The following PHC3 variants were observed in gnomAD, a reference collection of about 807,000 sequenced individuals.
PHC3 encodes the protein polyhomeotic-like protein 3.
PHC3 carries 13 observed loss-of-function variants against 107.4 expected under a neutral mutation model. The ratio of observed to expected loss-of-function variants is 0.12; its 90% CI spans 0.08 to 0.19. The LOEUF (loss-of-function observed/expected upper bound fraction) is 0.19, where lower values mean the gene tolerates loss of function less well. Ranked by LOEUF, PHC3 falls within the 10% of genes least tolerant of loss-of-function variation. The pLI, the probability that PHC3 is intolerant of heterozygous loss-of-function variation, is 1.00. For synonymous variants in PHC3, 456 were observed against 427.4 expected (o/e 1.07, Z -0.83); for missense variants, 992 against 1,210.9 (o/e 0.82, Z 2.68).
chr3:170,168,514 C>A (rs1354858620), intron 4 of PHC3, among the ~76,000 whole-genome samples: 1 of 151,630 alleles, frequency 6.6e-6, no homozygotes, highest in African/African-American at 2.4e-5. Context: ...GCCTGTAATC[C>A]CAGCACTTTG....
intron 9 of PHC3, 122 bp downstream of exon 9, chr3:170,122,469 G>A: frequency 1.0e-6 from 1 of 971,956 alleles, no homozygotes; most frequent in Admixed American, 2.1e-5. Flanking sequence ...CAGCTGTAAT[G>A]GTGTGCACCT....
At chr3:170,113,557 CA>C in intron 10 of PHC3, 38 bp from the exon 11 acceptor site, 1 of 1,549,794 alleles carries the variant, frequency 6.5e-7, no homozygotes, top group South Asian at 1.2e-5. Flanking sequence ...AAACAATCTC[CA>C]AAAAGACATT....
rs115339592 is a variant in PHC3 at position 170,181,665 on chromosome 3, C to G, written c.14+37G>C. ...ACGTGTCGCTGCCCCAACTCGCCCC[C>G]CCTAGTTACGACATCAGTCACCATC... On this transcript the variant is annotated intron_variant, in intron 1 of 14. Coordinates refer to ENST00000495893, the MANE Select transcript of PHC3 (RefSeq NM_024947.4). 34 of 1,613,216 alleles carry G rather than the reference C, an allele frequency of 2.1e-5. No homozygotes were observed. In the East Asian group the frequency reaches 2.5e-4, roughly 12 times the overall value.
rs199917986 is a variant in PHC3, at chr3:170,129,518, T to A, written c.954A>T (p.Ile318=). The stretch of plus-strand genomic sequence containing the variant: ...AATGAAGAGGAATCTGCTGATGTTT[T>A]ATTAGAGAATGAGGCTGAATTGGAG... ...SYSPIQPHSL[I]KHQQIPLHSP... is the part of the protein sequence containing the mutation. The change falls in exon 8 of 15, where the codon ATA becomes ATT. Residue 318 remains isoleucine, a synonymous_variant. Coordinates refer to ENST00000495893, the MANE Select transcript of PHC3 (RefSeq NM_024947.4). 2.9e-5 allele frequency: 47 copies of A among 1,613,754 alleles called. No individual in the cohort carries two copies. The East Asian group carries it at 9.8e-4, about 34-fold the overall frequency.
intron 11 of PHC3, 79 bp from the exon 12 acceptor site, chr3:170,107,025 T>C: frequency 1.1e-6 from 1 of 950,290 alleles, no homozygotes; most frequent in Admixed American, 2.8e-5. Context: ...ATACTTTGGT[T>C]GGATACTGCT....
chr3:170,098,757 A>G (rs537751454), intron 14 of PHC3, among the ~76,000 whole-genome samples: 2 of 152,156 alleles, frequency 1.3e-5, no homozygotes, highest in South Asian at 2.1e-4. Context: ...TGTTTCCTAT[A>G]TAACAACTAG....
chr3:170,103,926 C>G (rs1208540755), intron 12 of PHC3, among the ~76,000 whole-genome samples: 1 of 152,096 alleles, frequency 6.6e-6, no homozygotes, highest in African/African-American at 2.4e-5. Context: ...AAAAACTAGC[C>G]AGGTGTGCTG....
intron 6 of PHC3, among the ~76,000 whole-genome samples, chr3:170,145,188 T>C (rs1379042817): frequency 6.6e-6 from 1 of 152,162 alleles, no homozygotes; most frequent in African/African-American, 2.4e-5. Flanking sequence ...AAAACTCTCA[T>C]TAACCTTGAC....
rs1459212026 is a variant in PHC3, at chr3:170,102,920, C to T, written c.2483G>A (p.Cys828Tyr). The T allele has an allele frequency of 6.2e-7, 1 of 1,612,408 alleles. No homozygotes were observed. The highest frequency in any genetic ancestry group is 1.3e-5 in the African/African-American group (1 of 75,016). Residue 828 changes from cysteine (C) to tyrosine (Y), a missense_variant, in exon 13 of 15, where the codon TGT becomes TAT. This residue lies in a region of PHC3 where 228 missense variants were observed against 288.8 expected (regional missense o/e 0.79). Coordinates refer to ENST00000495893, the MANE Select transcript of PHC3 (RefSeq NM_024947.4). ...MSCAKRYNVS[C>Y]SKKFALSRWN... ...ACGACTAAGTGCAAATTTTTTAGAA[C>T]AGCTAACATTGTACCTAAGAAATTC...
intron 12 of PHC3, among the ~76,000 whole-genome samples, chr3:170,105,699 G>A (rs9828102): frequency 6.6e-6 from 1 of 152,110 alleles, no homozygotes; most frequent in Non-Finnish European, 1.5e-5. Flanking sequence ...TACAGTACAA[G>A]CTATAGTCAT....
chr3:170,097,396 C>G lies in PHC3; in HGVS notation c.2834-12G>C, dbSNP rs762153201. On this transcript the variant is annotated splice_polypyrimidine_tract_variant and intron_variant, in intron 14 of 14. Coordinates refer to ENST00000495893, the MANE Select transcript of PHC3 (RefSeq NM_024947.4). This position sits in a 1 kb window ranked among gnomAD's most constrained non-coding sequence, Gnocchi z 4.1. ...GATATCCTGGCAGCCTGGAATTTGA[C>G]CAGAGGACAGAAGTTAGAATTAAAT... is the stretch of plus-strand genomic sequence containing the variant. 1 of 1,610,436 alleles carries G rather than the reference C, an allele frequency of 6.2e-7. No individual in the cohort carries two copies.
chr3:170,117,516 G>C (rs1719260301), intron 9 of PHC3, 40 bp from the exon 10 acceptor site: 1 of 1,570,274 alleles, frequency 6.4e-7, no homozygotes, highest in East Asian at 2.3e-5. Context: ...AATTTTTTTA[G>C]CATTTTGCCC....
intron 4 of PHC3, chr3:170,170,172 C>T (rs1340095988): frequency 6.6e-6 from 1 of 152,070 alleles, no homozygotes; most frequent in Non-Finnish European, 1.5e-5. Context: ...AGCACAATTC[C>T]TTAACCTTCA....
At chr3:170,101,625 G>A (rs1715495442) in intron 14 of PHC3, among the ~76,000 whole-genome samples, 1 of 152,088 alleles carries the variant, frequency 6.6e-6, no homozygotes, top group African/African-American at 2.4e-5. Flanking sequence ...TAAGGTCAAA[G>A]TGAATGACAA....
At chr3:170,103,434 T>A (rs773824018) in intron 12 of PHC3, among the ~76,000 whole-genome samples, 1 of 152,188 alleles carries the variant, frequency 6.6e-6, no homozygotes. Context: ...AATCAAAGAA[T>A]GAAAATGTAA....
At position 170,102,839 on chromosome 3, in the gene PHC3, C is replaced by A. The variant is rs747656277; in HGVS notation, c.2564G>T (p.Gly855Val). 1 of 1,613,918 alleles carries A rather than the reference C, an allele frequency of 6.2e-7. No homozygotes were observed. Among genetic ancestry groups the A allele is most frequent in the Non-Finnish European group, 8.5e-7 (1 of 1,179,856 alleles). The stretch of plus-strand genomic sequence containing the variant: ...ATGTTCTCTCGCTGCCCCATCAGGG[C>A]CACTTGGACGACGGCCACGATGCCC... ...SLGHRGRRPS[G>V]PDGAAREHIL... is the part of the protein sequence containing the mutation. The change falls in exon 13 of 15, where the codon GGC becomes GTC. Residue 855 changes from glycine to valine, a missense_variant. Transcript: ENST00000495893.
At chr3:170,149,003 T>C (rs777066155) in intron 5 of PHC3, 83 bp downstream of exon 5, 1 of 1,347,276 alleles carries the variant, frequency 7.4e-7, no homozygotes. Context: ...ATATTAAAAA[T>C]ACCTCTTATT....
chr3:170,107,180 T>C (rs935665416), intron 11 of PHC3, among the ~76,000 whole-genome samples: 1 of 151,886 alleles, frequency 6.6e-6, no homozygotes, highest in Non-Finnish European at 1.5e-5. Flanking sequence ...AAGCATAACA[T>C]TTTAAAAGGT....
Position 170,088,799 on chromosome 3 carries a change from GT to G in PHC3, c.*8430del, listed in dbSNP as rs1713762369. ...TGGCTACTTAGATGATAGTCTTCCT[GT>G]TTTCAATTAGTTTGAAAGATTCTAA... On this transcript the variant is annotated 3_prime_UTR_variant, in exon 15 of 15. Coordinates refer to ENST00000495893, the MANE Select transcript of PHC3 (RefSeq NM_024947.4). 6.6e-6 allele frequency: 1 copy of G among 152,204 alleles called. No individual in the cohort carries two copies. The highest frequency in any genetic ancestry group is 1.5e-5 in the Non-Finnish European group (1 of 68,022). The allele number at this position is 152,204 out of a possible 1,614,324, so 9.4% of individuals were successfully genotyped here. A position where few individuals can be genotyped will look rare whatever the true frequency, so the allele number is the denominator to read the frequency against.
Sources: gnomAD v4.1 joint callset for allele counts (sites outside exome capture counted in the v4.1 genomes callset) on GRCh38, gnomAD v4.1.1 for gene constraint, gnomAD v4.1.1 regional missense constraint, Gnocchi (gnomAD v3.1) non-coding constraint, MANE v1.5 for transcripts, NCBI Gene and HGNC (gene_info 2026-07-23, HGNC 2026-07-21) for gene names.